CLEC16A: variants seen among roughly 807,000 people sequenced by gnomAD.
CLEC16A encodes the protein protein CLEC16A.
Under a neutral mutation model 109.5 loss-of-function variants are expected in CLEC16A, and 51 were observed. That is an observed-to-expected ratio of 0.47 (90% CI 0.37 to 0.59). CLEC16A has a LOEUF of 0.59. Among genes scored for constraint, CLEC16A ranks in the 20% least tolerant of loss-of-function variants. The pLI is 0.00. For missense variants in CLEC16A, 1,339 were observed against 1,394.0 expected, an observed-to-expected ratio of 0.96 and a Z score of 0.63; for synonymous variants, 673 against 564.2, an observed-to-expected ratio of 1.19 and a Z score of -2.73.
rs2052155552 is a variant in CLEC16A, at chr16:11,118,322, C to A, written c.2117-2293C>A. 3.9e-5 allele frequency among the ~76,000 whole-genome samples: 6 copies of A among 152,084 alleles called. No homozygotes were observed. The South Asian group carries it at 1.2e-3, about 31-fold the overall frequency. On this transcript the variant is annotated intron_variant, in intron 19 of 23. Coordinates refer to ENST00000409790, the MANE Select transcript of CLEC16A (RefSeq NM_015226.3). ...GGACTCCTATGCACAAGACCCCATG[C>A]TTTTCCCGCCTTTTCTCATTTAACG...
chr16:11,120,841 A>ACAC, intron 20 of CLEC16A, 75 bp downstream of exon 20: 1 of 923,190 alleles, frequency 1.1e-6, no homozygotes, highest in Non-Finnish European at 1.5e-6. Flanking sequence ...CACACACACC[A>ACAC]CACACAATTG....
intron 18 of CLEC16A, among the ~76,000 whole-genome samples, chr16:11,054,706 C>G (rs942728126): frequency 5.3e-5 from 8 of 152,344 alleles, no homozygotes; most frequent in African/African-American, 1.9e-4. Flanking sequence ...TTTGGCCACT[C>G]ATCTCACTAC....
intron 10 of CLEC16A, among the ~76,000 whole-genome samples, chr16:10,985,455 C>T (rs556830747): frequency 1.3e-5 from 2 of 151,806 alleles, no homozygotes; most frequent in African/African-American, 4.8e-5. Flanking sequence ...TCAGATGAGG[C>T]GTGTTTACCG....
intron 11 of CLEC16A, among the ~76,000 whole-genome samples, chr16:11,011,907 G>A (rs554893760): frequency 6.6e-6 from 1 of 151,606 alleles, no homozygotes; most frequent in African/African-American, 2.4e-5. Flanking sequence ...TCCTAACAAC[G>A]TCTACTCACT....
intron 19 of CLEC16A, among the ~76,000 whole-genome samples, chr16:11,085,093 G>A (rs955118194): frequency 1.3e-5 from 2 of 152,206 alleles, no homozygotes; most frequent in African/African-American, 4.8e-5. Flanking sequence ...TCTTCCCCAG[G>A]AGCCTGTCGT....
At chr16:11,166,320 AC>A in intron 22 of CLEC16A, 67 bp from the exon 23 acceptor site, 11 of 1,494,736 alleles carry the variant, frequency 7.4e-6, no homozygotes, top group Non-Finnish European at 9.9e-6. Flanking sequence ...GTTCAGTGGA[AC>A]CATGACATTG....
At chr16:10,994,164 C>A (rs1007268267) in intron 10 of CLEC16A, among the ~76,000 whole-genome samples, 3 of 152,172 alleles carry the variant, frequency 2.0e-5, no homozygotes, top group African/African-American at 7.2e-5. Flanking sequence ...GAGAAGAATG[C>A]CGTGTTCTCC....
At chr16:11,109,254 C>T (rs2051419977) in intron 19 of CLEC16A, among the ~76,000 whole-genome samples, 1 of 151,386 alleles carries the variant, frequency 6.6e-6, no homozygotes. Context: ...CAACCTGGAA[C>T]TCCAGGCTCA....
chr16:11,124,802 C>G (rs1159572844), intron 21 of CLEC16A, among the ~76,000 whole-genome samples: 1 of 152,102 alleles, frequency 6.6e-6, no homozygotes, highest in Admixed American at 6.5e-5. Flanking sequence ...AAAATAAGCC[C>G]TTGACCAGGC....
At chr16:10,994,491 T>C (rs1338175286) in intron 10 of CLEC16A, among the ~76,000 whole-genome samples, 1 of 152,240 alleles carries the variant, frequency 6.6e-6, no homozygotes, top group African/African-American at 2.4e-5. Context: ...AGCCATGTGC[T>C]ACAGTGCTGT....
chr16:10,975,421 C>T (rs915629589), intron 7 of CLEC16A, among the ~76,000 whole-genome samples: 3 of 152,122 alleles, frequency 2.0e-5, no homozygotes, highest in African/African-American at 7.2e-5. Flanking sequence ...AGTTTTAAAC[C>T]TAGCTGCATA....
At chr16:10,964,701 T>TTACG (rs1480753089) in intron 3 of CLEC16A, among the ~76,000 whole-genome samples, 6 of 152,340 alleles carry the variant, frequency 3.9e-5, no homozygotes, top group African/African-American at 1.2e-4. Context: ...CGATCAAAAC[T>TTACG]TACGGCTTTT....
At chr16:11,033,547 G>C (rs139869467) in intron 13 of CLEC16A, among the ~76,000 whole-genome samples, 2 of 152,258 alleles carry the variant, frequency 1.3e-5, no homozygotes, top group African/African-American at 4.8e-5. Flanking sequence ...GGCTTTGCTG[G>C]TGGAGGTTGG....
intron 10 of CLEC16A, among the ~76,000 whole-genome samples, chr16:10,990,722 A>T (rs1567166043): frequency 6.6e-6 from 1 of 152,248 alleles, no homozygotes. Flanking sequence ...TGGGGCAGCC[A>T]CAAGGCTGGA....
chr16:11,120,517 G>A (rs2052325571), intron 19 of CLEC16A, 98 bp from the exon 20 acceptor site: 3 of 1,308,848 alleles, frequency 2.3e-6, no homozygotes, highest in South Asian at 1.8e-5. Context: ...TCTAACCACT[G>A]AGCTCTGCTC....
intron 22 of CLEC16A, among the ~76,000 whole-genome samples, chr16:11,139,980 G>A (rs959730047): frequency 1.3e-5 from 2 of 152,210 alleles, no homozygotes; most frequent in Non-Finnish European, 2.9e-5. Flanking sequence ...TACTTTTATA[G>A]CTGGGGCAAG....
chr16:10,944,906 G>A (rs956200754), intron 1 of CLEC16A, 109 bp downstream of exon 1: 1 of 1,071,046 alleles, frequency 9.3e-7, no homozygotes, highest in Non-Finnish European at 1.4e-6. Flanking sequence ...AAGGGCGCCC[G>A]GGGAAGCCCG....
chr16:11,127,536 C>G (rs1486873064), intron 22 of CLEC16A, among the ~76,000 whole-genome samples: 2 of 152,194 alleles, frequency 1.3e-5, no homozygotes, highest in East Asian at 3.8e-4. Context: ...CACCAATTCA[C>G]TCTGCCACCC....
intron 11 of CLEC16A, among the ~76,000 whole-genome samples, chr16:11,004,309 T>C (rs2044856546): frequency 6.6e-6 from 1 of 152,172 alleles, no homozygotes; most frequent in Non-Finnish European, 1.5e-5. Context: ...CCCGTCGTCC[T>C]GGGCACTGGG....
Sources: gnomAD v4.1 joint callset for allele counts (sites outside exome capture counted in the v4.1 genomes callset) on GRCh38, gnomAD v4.1.1 for gene constraint, MANE v1.5 for transcripts, NCBI Gene and HGNC (gene_info 2026-07-23, HGNC 2026-07-21) for gene names.